The following SEMA3A variants were observed in gnomAD, a reference collection of about 807,000 sequenced individuals.
SEMA3A encodes the protein semaphorin-3A.
Under a neutral mutation model 97.9 loss-of-function variants are expected in SEMA3A, and 29 were observed. That is an observed-to-expected ratio of 0.30 (90% CI 0.22 to 0.40). The LOEUF is 0.40. Ranked by LOEUF, SEMA3A falls within the 10% of genes least tolerant of loss-of-function variation. SEMA3A has a pLI of 1.00. For synonymous variants in SEMA3A, 321 were observed against 323.7 expected, an observed-to-expected ratio of 0.99 and a Z score of 0.09; for missense variants, 763 against 951.3, an observed-to-expected ratio of 0.80 and a Z score of 2.60.
intron 4 of SEMA3A, among the ~76,000 whole-genome samples, chr7:84,103,176 T>C (rs1300173260): frequency 6.6e-6 from 1 of 152,152 alleles, no homozygotes; most frequent in East Asian, 1.9e-4. Context: ...TCATGTGCTC[T>C]GGGATGATTT....
intron 6 of SEMA3A, among the ~76,000 whole-genome samples, chr7:84,017,588 C>T (rs955717870): frequency 6.6e-5 from 10 of 152,110 alleles, no homozygotes; most frequent in African/African-American, 2.2e-4. Context: ...ATAAAACAGG[C>T]CTTGATTTTA....
At chr7:84,031,205 A>G (rs1166858094) in intron 6 of SEMA3A, among the ~76,000 whole-genome samples, 6 of 151,710 alleles carry the variant, frequency 4.0e-5, no homozygotes, top group Admixed American at 3.9e-4. Context: ...ATTGGCCAGG[A>G]TAGTCTCGAT....
intron 2 of SEMA3A, among the ~76,000 whole-genome samples, chr7:84,350,062 C>T (rs988345825): frequency 1.1e-4 from 16 of 152,242 alleles, no homozygotes; most frequent in African/African-American, 3.9e-4. Context: ...TTTGGTATCA[C>T]GTCTGTTCTG....
In SEMA3A at chr7:84,194,632, G is replaced by A. The variant is rs35507893; in HGVS notation, c.-46C>T. ...CTTTGCTGCTTTAGTCTTCCTTCCTGTATTGTGCGGCCAGAGAAGTTCAAA... is the reference window on the plus strand; with the variant it reads ...CTTTGCTGCTTTAGTCTTCCTTCCTATATTGTGCGGCCAGAGAAGTTCAAA... On this transcript the variant is annotated 5_prime_UTR_variant, in exon 1 of 17. Coordinates refer to ENST00000265362, the MANE Select transcript of SEMA3A (RefSeq NM_006080.3). 10,884 of 1,204,698 alleles carry A rather than the reference G, an allele frequency of 9.0e-3. 64 individuals are homozygous for A. Among genetic ancestry groups the A allele is most frequent in the Non-Finnish European group, 0.011 (9,323 of 812,644 alleles). The allele number at this position is 1,204,698 out of a possible 1,614,324, so 74.6% of individuals were successfully genotyped here. A position where few individuals can be genotyped will look rare whatever the true frequency, so the allele number is the denominator to read the frequency against.
At chr7:84,062,909 A>C (rs1432630224) in intron 4 of SEMA3A, among the ~76,000 whole-genome samples, 1 of 152,010 alleles carries the variant, frequency 6.6e-6, no homozygotes, top group East Asian at 2.0e-4. Flanking sequence ...AACTGGGTGG[A>C]GCCCACCACA....
intron 3 of SEMA3A, among the ~76,000 whole-genome samples, chr7:84,286,485 AG>A (rs1800590897): frequency 6.6e-6 from 1 of 152,308 alleles, no homozygotes; most frequent in East Asian, 1.9e-4. Flanking sequence ...TCTCTAGGAA[AG>A]AAAACCGTAT....
chr7:83,970,356 A>G (rs1433422813), intron 15 of SEMA3A, among the ~76,000 whole-genome samples: 4 of 152,204 alleles, frequency 2.6e-5, no homozygotes, highest in Non-Finnish European at 2.9e-5. Context: ...CATGATATCC[A>G]TCATTTGACC....
intron 1 of SEMA3A, among the ~76,000 whole-genome samples, chr7:84,378,897 T>C (rs1452435783): frequency 7.0e-6 from 1 of 143,334 alleles, no homozygotes; most frequent in Non-Finnish European, 1.5e-5. Flanking sequence ...TCTCTCTCCA[T>C]ATATATTTTT....
chr7:84,173,484 G>A lies in SEMA3A; in HGVS notation c.112+20991C>T, dbSNP rs868825073. 4.8e-4 allele frequency among the ~76,000 whole-genome samples: 72 copies of A among 150,884 alleles called. No individual in the cohort carries two copies. The Middle Eastern group carries it at 0.01, about 21-fold the overall frequency. ...TGAGACAGGAGAATCGGTTGAACCC[G>A]GGAGGCGGAGGTTGCGGTGAGCCGA... On this transcript the variant is annotated intron_variant, in intron 1 of 16. Coordinates refer to ENST00000265362, the MANE Select transcript of SEMA3A (RefSeq NM_006080.3).
intron 3 of SEMA3A, among the ~76,000 whole-genome samples, chr7:84,279,409 T>A (rs1800383034): frequency 6.6e-6 from 1 of 151,756 alleles, no homozygotes; most frequent in South Asian, 2.1e-4. Flanking sequence ...TACTGGAAAA[T>A]TCCACATTGA....
intron 3 of SEMA3A, among the ~76,000 whole-genome samples, chr7:84,287,315 C>T (rs1435778981): frequency 6.6e-6 from 1 of 152,066 alleles, no homozygotes; most frequent in Non-Finnish European, 1.5e-5. Flanking sequence ...TTCTTCAACT[C>T]ATCAAAAAAC....
intron 3 of SEMA3A, among the ~76,000 whole-genome samples, chr7:84,285,078 ATTTAT>A (rs1373070580): frequency 6.6e-6 from 1 of 152,060 alleles, no homozygotes; most frequent in African/African-American, 2.4e-5. Context: ...GTAACCAAAG[ATTTAT>A]TTTATTTTAT....
intron 4 of SEMA3A, among the ~76,000 whole-genome samples, chr7:84,083,444 G>A (rs1470502767): frequency 2.6e-5 from 4 of 151,528 alleles, no homozygotes; most frequent in African/African-American, 7.3e-5. Context: ...TTTTTTGTGT[G>A]TGTGTTAGGA....
intron 1 of SEMA3A, among the ~76,000 whole-genome samples, chr7:84,401,690 C>T (rs1014741532): frequency 6.6e-6 from 1 of 152,010 alleles, no homozygotes; most frequent in Non-Finnish European, 1.5e-5. Flanking sequence ...AATGGGGGAC[C>T]AAGAAATAAC....
chr7:84,009,415 T>TA (rs1790790063), intron 9 of SEMA3A, among the ~76,000 whole-genome samples: 1 of 152,334 alleles, frequency 6.6e-6, no homozygotes, highest in African/African-American at 2.4e-5. Flanking sequence ...TATGTGATTT[T>TA]AAAAAATTAT....
chr7:84,186,648 C>G (rs979773702), intron 1 of SEMA3A, among the ~76,000 whole-genome samples: 7 of 151,850 alleles, frequency 4.6e-5, no homozygotes, highest in African/African-American at 1.5e-4. Context: ...AATCATTTTT[C>G]AATACCACTT....
intron 1 of SEMA3A, among the ~76,000 whole-genome samples, chr7:84,487,776 C>G (rs1806612944): frequency 6.6e-6 from 1 of 151,914 alleles, no homozygotes; most frequent in Non-Finnish European, 1.5e-5. Flanking sequence ...CTTGAGATTA[C>G]TTTTTAAAAA....
chr7:84,088,099 A>C (rs1241933293), intron 4 of SEMA3A, among the ~76,000 whole-genome samples: 1 of 152,164 alleles, frequency 6.6e-6, no homozygotes, highest in East Asian at 1.9e-4. Flanking sequence ...AAACATGTTA[A>C]ATTTATCTTT....
intron 6 of SEMA3A, among the ~76,000 whole-genome samples, chr7:84,019,894 T>G (rs1479099371): frequency 2.0e-5 from 3 of 151,980 alleles, no homozygotes; most frequent in African/African-American, 7.2e-5. Flanking sequence ...CATTCATGAC[T>G]TCTCTTTCCC....
Sources: allele counts gnomAD v4.1 joint callset (sites outside exome capture counted in the v4.1 genomes callset), GRCh38; gene constraint gnomAD v4.1.1; transcripts MANE v1.5; gene names NCBI Gene and HGNC (gene_info 2026-07-23, HGNC 2026-07-21).